Variants in RNF130 observed in about 807,000 individuals in gnomAD.
RNF130 encodes E3 ubiquitin-protein ligase RNF130.
Under a neutral mutation model 44.6 loss-of-function variants are expected in RNF130, and 21 were observed. That is an observed-to-expected ratio of 0.47 (90% CI 0.33 to 0.68). The LOEUF (loss-of-function observed/expected upper bound fraction) is 0.68. RNF130 is among the 30% of genes least tolerant of loss of function. The pLI, the probability that RNF130 is intolerant of heterozygous loss-of-function variation, is 0.02. For missense variants in RNF130, 479 were observed against 560.6 expected, an observed-to-expected ratio of 0.85 and a Z score of 1.47; for synonymous variants, 214 against 210.4, an observed-to-expected ratio of 1.02 and a Z score of -0.15.
intron 7 of RNF130, among the ~76,000 whole-genome samples, chr5:179,942,003 A>G (rs969719848): frequency 6.6e-6 from 1 of 152,116 alleles, no homozygotes; most frequent in African/African-American, 2.4e-5. Flanking sequence ...CTTTCTCAAT[A>G]AGACCATAAA....
chr5:179,966,055 G>A (rs746775675), intron 7 of RNF130, among the ~76,000 whole-genome samples: 6 of 152,178 alleles, frequency 3.9e-5, no homozygotes, highest in Non-Finnish European at 8.8e-5. Flanking sequence ...GGAACATGTA[G>A]AGAATGGAAG....
chr5:180,011,297 C>T lies in RNF130; in HGVS notation c.693+1764G>A, dbSNP rs189673599. Among the ~76,000 whole-genome samples, 17 of 152,100 alleles carry T rather than the reference C, an allele frequency of 1.1e-4. No individual in the cohort carries two copies. The East Asian group carries it at 3.1e-3, about 28-fold the overall frequency. On this transcript the variant is annotated intron_variant, in intron 3 of 8. Transcript: ENST00000521389. ...TCATTATTGAGCCAGTTTTACAAAA[C>T]CCAAAAAAGGTCTATCAATCAGATA...
rs373824991 is a variant in RNF130 at position 180,013,074 on chromosome 5, C to T, written c.680G>A (p.Arg227His). 221 of 1,613,188 alleles carry T rather than the reference C, an allele frequency of 1.4e-4. No individual in the cohort carries two copies. Among genetic ancestry groups the T allele is most frequent in the Non-Finnish European group, 1.7e-4 (203 of 1,179,916 alleles). Residue 227 changes from arginine to histidine, a missense_variant, in exon 3 of 9, where the codon CGC (arginine) becomes CAC (histidine). Coordinates refer to ENST00000521389, the MANE Select transcript of RNF130 (RefSeq NM_018434.6). ...TACTGAGCTCACCTGGTTCCTGTCG[C>T]GTGCATTTGTGTACCTGATCTTCTG... ...FIQKIRYTNA[R>H]DRNQRRLGDA...
At chr5:179,924,508 T>A (rs1176988318) in intron 7 of RNF130, among the ~76,000 whole-genome samples, 36 of 112,604 alleles carry the variant, frequency 3.2e-4, no homozygotes, top group Non-Finnish European at 5.0e-4. Context: ...AAAAAAAAAA[T>A]AAATACAGGC....
intron 1 of RNF130, among the ~76,000 whole-genome samples, chr5:180,044,663 C>A (rs761517194): frequency 3.4e-4 from 52 of 152,182 alleles, no homozygotes; most frequent in Admixed American, 5.9e-4. Flanking sequence ...GAAACCCCAT[C>A]TCTACTAAAA....
chr5:180,046,009 C>T lies in RNF130; in HGVS notation c.248-5362G>A, dbSNP rs559363056. 3.0e-3 allele frequency among the ~76,000 whole-genome samples: 462 copies of T among 152,294 alleles called. 5 individuals carry two copies. The highest frequency in any genetic ancestry group is 0.014 in the Middle Eastern group (4 of 294). On this transcript the variant is annotated intron_variant, in intron 1 of 8. Coordinates refer to ENST00000521389, the MANE Select transcript of RNF130 (RefSeq NM_018434.6). ...CCGAGCCCCGTGGAGCAGGGGGCAG[C>T]GCTCGCCGGGGAGGCTCCAGTGGCG...
At chr5:179,922,897 G>A (rs1761654784) in intron 7 of RNF130, among the ~76,000 whole-genome samples, 1 of 151,922 alleles carries the variant, frequency 6.6e-6, no homozygotes, top group Admixed American at 6.6e-5. Context: ...CTACACTACT[G>A]CCCTCCAGCC....
intron 3 of RNF130, among the ~76,000 whole-genome samples, chr5:179,996,049 C>G (rs1763190142): frequency 6.6e-6 from 1 of 152,194 alleles, no homozygotes; most frequent in Non-Finnish European, 1.5e-5. Context: ...CAGGTCACTT[C>G]TGATAGTACT....
At chr5:180,018,984 T>C (rs1763807151) in intron 2 of RNF130, among the ~76,000 whole-genome samples, 1 of 152,176 alleles carries the variant, frequency 6.6e-6, no homozygotes, top group African/African-American at 2.4e-5. Context: ...AGAGGTGGCT[T>C]TACCATAAGC....
chr5:180,066,584 ATC>A (rs1382411820), intron 1 of RNF130, among the ~76,000 whole-genome samples: 1 of 152,144 alleles, frequency 6.6e-6, no homozygotes, highest in Non-Finnish European at 1.5e-5. Context: ...TCTATAAAAA[ATC>A]TATAAAATTA....
intron 7 of RNF130, among the ~76,000 whole-genome samples, chr5:179,943,706 C>A (rs1761995676): frequency 6.6e-6 from 1 of 152,174 alleles, no homozygotes; most frequent in East Asian, 1.9e-4. Context: ...AAAACTGAAC[C>A]CAAAGCCAAG....
chr5:180,019,106 C>T (rs979409603), intron 2 of RNF130, among the ~76,000 whole-genome samples: 9 of 152,152 alleles, frequency 5.9e-5, no homozygotes, highest in African/African-American at 1.9e-4. Context: ...ACTTTGAGGC[C>T]GGGCGGGGTG....
chr5:180,027,905 T>C (rs1292064637), intron 2 of RNF130, among the ~76,000 whole-genome samples: 2 of 152,224 alleles, frequency 1.3e-5, no homozygotes, highest in Non-Finnish European at 2.9e-5. Context: ...CACACCCCAG[T>C]GCAGCGCTGG....
chr5:179,939,781 CA>C (rs1761946830), intron 7 of RNF130: 5 of 412,214 alleles, frequency 1.2e-5, no homozygotes, highest in South Asian at 4.1e-5. Context: ...CTTTGATTCC[CA>C]AAAAAGTCCT....
chr5:180,012,724 T>G (rs1022870915), intron 3 of RNF130, among the ~76,000 whole-genome samples: 1 of 152,126 alleles, frequency 6.6e-6, no homozygotes, highest in African/African-American at 2.4e-5. Flanking sequence ...CTAACCCCCC[T>G]CCAAGTTCCC....
chr5:179,927,537 C>T (rs544061442), intron 7 of RNF130, among the ~76,000 whole-genome samples: 2 of 152,028 alleles, frequency 1.3e-5, no homozygotes, highest in East Asian at 1.9e-4. Flanking sequence ...CTCTCTCCCC[C>T]GCCAAAGGAA....
intron 8 of RNF130, chr5:179,956,297 G>C (rs916129451): frequency 6.6e-6 from 1 of 152,384 alleles, no homozygotes; most frequent in Non-Finnish European, 1.5e-5. Context: ...AGCTGTTAGC[G>C]TTGATCTTTT....
chr5:180,027,557 T>C (rs1333570563), intron 2 of RNF130, among the ~76,000 whole-genome samples: 1 of 152,288 alleles, frequency 6.6e-6, no homozygotes, highest in East Asian at 1.9e-4. Context: ...CACCCCATTC[T>C]TAGGACAGGC....
At chr5:179,930,224 AT>A (rs1311313662) in intron 7 of RNF130, among the ~76,000 whole-genome samples, 1 of 151,732 alleles carries the variant, frequency 6.6e-6, no homozygotes, top group Non-Finnish European at 1.5e-5. Flanking sequence ...CACCCGGCTA[AT>A]TTTTGTATTT....
Sources: allele counts gnomAD v4.1 joint callset (sites outside exome capture counted in the v4.1 genomes callset), GRCh38; gene constraint gnomAD v4.1.1; transcripts MANE v1.5; gene names NCBI Gene and HGNC (gene_info 2026-07-23, HGNC 2026-07-21).